Variants in SYT14 observed in about 807,000 individuals in gnomAD.
SYT14 encodes synaptotagmin-14.
Under a neutral mutation model 74.2 loss-of-function variants are expected in SYT14, and 32 were observed. That is an observed-to-expected ratio of 0.43 (90% CI 0.33 to 0.58). The LOEUF is 0.58. Among genes scored for constraint, SYT14 ranks in the 20% least tolerant of loss-of-function variants. The probability of loss-of-function intolerance (pLI) is 0.05; values close to 1 mark genes in which losing one functional copy is unlikely to be tolerated. For missense variants in SYT14, 791 were observed against 981.8 expected (o/e 0.81, Z 2.60); for synonymous variants, 298 against 337.7 (o/e 0.88, Z 1.29).
chr1:210,108,530 AAGAG>A lies in SYT14; in HGVS notation c.2034+8073_2034+8076del, dbSNP rs1332015652. On this transcript the variant is annotated intron_variant, in intron 7 of 9. Coordinates refer to ENST00000637265, the Ensembl canonical transcript of SYT14. ...AAATCTGGCTATAACAATAGGAAGA[AAGAG>A]AGAACAGTATTTGGAAAGTGAGGGT... Among the ~76,000 whole-genome samples, 7 of 152,274 alleles carry A rather than the reference AAGAG, an allele frequency of 4.6e-5. No homozygotes were observed. In the East Asian group the frequency reaches 1.2e-3, roughly 25 times the overall value.
chr1:209,978,451 G>A (rs1282518877), intron 2 of SYT14, among the ~76,000 whole-genome samples: 2 of 152,156 alleles, frequency 1.3e-5, no homozygotes, highest in African/African-American at 4.8e-5. Flanking sequence ...CAGGTCTGTT[G>A]GAGTTTGCTA....
At chr1:210,012,597 TAAGA>T (rs1183737448) in intron 2 of SYT14, among the ~76,000 whole-genome samples, 2 of 152,200 alleles carry the variant, frequency 1.3e-5, no homozygotes, top group Non-Finnish European at 2.9e-5. Flanking sequence ...GTTTATTTAC[TAAGA>T]AAGAGTGATT....
intron 2 of SYT14, among the ~76,000 whole-genome samples, chr1:209,962,527 G>C (rs1353111738): frequency 6.6e-6 from 1 of 152,084 alleles, no homozygotes; most frequent in East Asian, 1.9e-4. Context: ...AGATCATGGA[G>C]CTATATTTTC....
intron 7 of SYT14, among the ~76,000 whole-genome samples, chr1:210,141,943 G>T (rs2082923071): frequency 6.6e-6 from 1 of 152,178 alleles, no homozygotes. Flanking sequence ...TCATTCCCTA[G>T]ATTTTGCTCT....
chr1:210,105,548 AC>A (rs1252283631), intron 7 of SYT14, among the ~76,000 whole-genome samples: 2 of 152,230 alleles, frequency 1.3e-5, no homozygotes, highest in Non-Finnish European at 2.9e-5. Flanking sequence ...GTTCTCTGTT[AC>A]TATAGCATAA....
chr1:210,014,173 C>A (rs867915707), intron 3 of SYT14, among the ~76,000 whole-genome samples: 6 of 152,132 alleles, frequency 3.9e-5, no homozygotes, highest in South Asian at 2.1e-4. Flanking sequence ...CCCTAGAATG[C>A]TTTTGAAAGT....
chr1:209,977,200 A>G (rs183592699), intron 2 of SYT14, among the ~76,000 whole-genome samples: 50 of 152,280 alleles, frequency 3.3e-4, no homozygotes, highest in African/African-American at 1.1e-3. Flanking sequence ...CATTTAGCCC[A>G]TTTACATTAA....
intron 2 of SYT14, among the ~76,000 whole-genome samples, chr1:210,007,140 T>A (rs1027725824): frequency 9.2e-5 from 14 of 152,078 alleles, no homozygotes; most frequent in African/African-American, 3.1e-4. Context: ...TGGTATTTTT[T>A]AAGTTTATTT....
At chr1:210,107,551 G>T (rs2082181050) in intron 7 of SYT14, among the ~76,000 whole-genome samples, 1 of 152,146 alleles carries the variant, frequency 6.6e-6, no homozygotes, top group East Asian at 1.9e-4. Context: ...ACATAGGGCA[G>T]ATGGGAAGAA....
chr1:209,999,993 G>A (rs1215224362), intron 2 of SYT14, among the ~76,000 whole-genome samples: 1 of 152,046 alleles, frequency 6.6e-6, no homozygotes, highest in East Asian at 1.9e-4. Flanking sequence ...TTCTATTCTT[G>A]TAACAAAATA....
intron 5 of SYT14, among the ~76,000 whole-genome samples, chr1:210,068,087 C>T (rs191806458): frequency 6.6e-6 from 1 of 151,794 alleles, no homozygotes; most frequent in East Asian, 1.9e-4. Context: ...TTGGAAGATA[C>T]CTCTTATTGA....
chr1:210,169,830 A>G (rs1340495946), exon 10 of SYT14: 23 of 152,116 alleles, frequency 1.5e-4, no homozygotes, highest in Admixed American at 1.3e-3. Context: ...TCACTGATCA[A>G]TACTCTTGCA....
At chr1:210,097,514 GA>G (rs896621504) in intron 6 of SYT14, among the ~76,000 whole-genome samples, 3 of 150,550 alleles carry the variant, frequency 2.0e-5, no homozygotes, top group Non-Finnish European at 4.4e-5. Context: ...TTGGAATTTT[GA>G]AAAAAAAGAA....
chr1:209,962,272 A>T (rs2079087891), intron 2 of SYT14, among the ~76,000 whole-genome samples: 2 of 150,236 alleles, frequency 1.3e-5, no homozygotes, highest in Admixed American at 6.6e-5. Flanking sequence ...TCTTTTTTTT[A>T]TATATATATA....
At chr1:210,049,781 C>T (rs1254295645) in intron 5 of SYT14, among the ~76,000 whole-genome samples, 1 of 152,220 alleles carries the variant, frequency 6.6e-6, no homozygotes, top group Non-Finnish European at 1.5e-5. Context: ...GGCTTGCACC[C>T]TCTGAAGCCA....
At chr1:209,993,234 G>A (rs563713174) in intron 2 of SYT14, among the ~76,000 whole-genome samples, 9 of 152,324 alleles carry the variant, frequency 5.9e-5, no homozygotes, top group African/African-American at 1.4e-4. Context: ...GGCTGGCTTC[G>A]CCATGGAACA....
chr1:209,941,778 T>G (rs2078734444), intron 1 of SYT14, among the ~76,000 whole-genome samples: 1 of 152,242 alleles, frequency 6.6e-6, no homozygotes, highest in African/African-American at 2.4e-5. Context: ...GTATAGTACC[T>G]GAATACAGTT....
At chr1:210,096,584 C>T (rs2081970641) in intron 6 of SYT14, among the ~76,000 whole-genome samples, 2 of 152,148 alleles carry the variant, frequency 1.3e-5, no homozygotes, top group African/African-American at 4.8e-5. Flanking sequence ...CATCAGCATT[C>T]CTATTTATGA....
At chr1:210,012,486 T>C (rs780985741) in intron 2 of SYT14, among the ~76,000 whole-genome samples, 9 of 152,178 alleles carry the variant, frequency 5.9e-5, no homozygotes, top group Non-Finnish European at 1.0e-4. Context: ...GAGTGTGGTA[T>C]TGAATATTGC....
Sources: gnomAD v4.1 joint callset for allele counts (sites outside exome capture counted in the v4.1 genomes callset) on GRCh38, gnomAD v4.1.1 for gene constraint, MANE v1.5 for transcripts, NCBI Gene and HGNC (gene_info 2026-07-23, HGNC 2026-07-21) for gene names.